Variants in RHBDD1 observed in about 807,000 individuals in gnomAD.
RHBDD1 encodes rhomboid-related protein 4.
Under a neutral mutation model 36.3 loss-of-function variants are expected in RHBDD1, and 38 were observed. That is an observed-to-expected ratio of 1.05 (90% CI 0.81 to 1.37). The LOEUF (loss-of-function observed/expected upper bound fraction) is 1.37. Among genes scored for constraint, RHBDD1 ranks in the 40% most tolerant of loss-of-function variants. The pLI is 0.00. For missense variants in RHBDD1, 393 were observed against 377.6 expected (o/e 1.04, Z -0.34); for synonymous variants, 151 against 136.5 (o/e 1.11, Z -0.74).
chr2:226,832,935 CG>C (rs1382450809), upstream of RHBDD1, among the ~76,000 whole-genome samples: 6 of 151,974 alleles, frequency 3.9e-5, no homozygotes, highest in African/African-American at 1.5e-4. Flanking sequence ...TGCTTGAACC[CG>C]GGAGGCAGAG....
chr2:226,820,644 CAAAAAAAAAAAAAAAA>C, the RHBDD1 span, among the ~76,000 whole-genome samples: 1 of 63,516 alleles, frequency 1.6e-5, no homozygotes, highest in Non-Finnish European at 3.9e-5. Flanking sequence ...TCCATCTCCA[CAAAAAAAAAAAAAAAA>C]AAAAAAAAAG....
the RHBDD1 span, among the ~76,000 whole-genome samples, chr2:226,801,593 G>C: frequency 6.6e-6 from 1 of 152,128 alleles, no homozygotes; most frequent in Non-Finnish European, 1.5e-5. Context: ...TACACATGTT[G>C]AATTGAAAGC....
At chr2:226,801,187 A>C in the RHBDD1 span, among the ~76,000 whole-genome samples, 2 of 152,142 alleles carry the variant, frequency 1.3e-5, no homozygotes, top group African/African-American at 2.4e-5. Flanking sequence ...GGCGCTGGGC[A>C]TGCTCAGTGG....
At chr2:226,923,395 G>T (rs543406495) in intron 8 of RHBDD1, among the ~76,000 whole-genome samples, 59 of 152,140 alleles carry the variant, frequency 3.9e-4, no homozygotes, top group Admixed American at 1.2e-3. Context: ...AGAACTACTG[G>T]AACTCCATTG....
At chr2:226,843,996 A>G (rs561361610) in intron 3 of RHBDD1, among the ~76,000 whole-genome samples, 11 of 152,188 alleles carry the variant, frequency 7.2e-5, no homozygotes, top group South Asian at 2.1e-4. Flanking sequence ...TTCCTGGTTC[A>G]GTCTTGGGAG....
At chr2:226,914,482 C>A in intron 8 of RHBDD1, 131 bp downstream of exon 8, 1 of 1,022,166 alleles carries the variant, frequency 9.8e-7, no homozygotes, top group Non-Finnish European at 1.4e-6. Context: ...AAACTGTGTG[C>A]AGATTGTGAT....
At chr2:226,971,368 C>T (rs1049406471) in intron 8 of RHBDD1, among the ~76,000 whole-genome samples, 1 of 152,194 alleles carries the variant, frequency 6.6e-6, no homozygotes, top group Non-Finnish European at 1.5e-5. Flanking sequence ...GAACCCTTAG[C>T]GGGCTCATTT....
At chr2:226,825,013 C>T in the RHBDD1 span, among the ~76,000 whole-genome samples, 1 of 152,164 alleles carries the variant, frequency 6.6e-6, no homozygotes, top group Non-Finnish European at 1.5e-5. Flanking sequence ...AGACTGATTT[C>T]CCACATTTTG....
At chr2:226,948,745 C>T (rs1395513386) in intron 8 of RHBDD1, among the ~76,000 whole-genome samples, 1 of 152,016 alleles carries the variant, frequency 6.6e-6, no homozygotes, top group Non-Finnish European at 1.5e-5. Context: ...GACAAGGTTG[C>T]CCTCTCTCAC....
At chr2:226,808,241 T>C in the RHBDD1 span, 1 of 152,156 alleles carries the variant, frequency 6.6e-6, no homozygotes, top group African/African-American at 2.4e-5. Context: ...AAAAAGAATG[T>C]AGGATGACTC....
rs190142205 is a variant in RHBDD1 at position 226,866,000 on chromosome 2, T to A, written c.433+874T>A. ...GTTTTAGGAGCCATGATAATCACTC[T>A]GCATAACCTAACCAATTTAATTTAT... On this transcript the variant is annotated intron_variant, in intron 4 of 8. Coordinates refer to ENST00000392062, the MANE Select transcript of RHBDD1 (RefSeq NM_001167608.3). 2.1e-3 allele frequency among the ~76,000 whole-genome samples: 316 copies of A among 152,382 alleles called. 4 individuals are homozygous for A. The highest frequency in any genetic ancestry group is 7.3e-3 in the African/African-American group (303 of 41,596).
rs1298001381 is a variant in RHBDD1, at chr2:226,839,580, C to T, written c.-138C>T. ...TGAAACTCTGTGGTGGAATAGAAAT[C>T]CTCAGGGCATGAGCTATACCTAAAA... On this transcript the variant is annotated 5_prime_UTR_variant, in exon 3 of 9. Coordinates refer to ENST00000392062, the MANE Select transcript of RHBDD1 (RefSeq NM_001167608.3). 6.6e-6 allele frequency: 1 copy of T among 152,142 alleles called. No homozygotes were observed. Among genetic ancestry groups the T allele is most frequent in the Non-Finnish European group, 1.5e-5 (1 of 68,024 alleles). 9.4% of individuals were successfully genotyped at this position (152,142 alleles called of 1,614,324 possible). A position where few individuals can be genotyped will look rare whatever the true frequency, so the allele number is the denominator to read the frequency against.
At chr2:226,805,750 G>A in the RHBDD1 span, among the ~76,000 whole-genome samples, 1 of 152,168 alleles carries the variant, frequency 6.6e-6, no homozygotes, top group Non-Finnish European at 1.5e-5. Context: ...ATTTTTTAAT[G>A]TGAATTTCAG....
chr2:226,933,117 A>G (rs766132530), intron 8 of RHBDD1, among the ~76,000 whole-genome samples: 8 of 152,186 alleles, frequency 5.3e-5, no homozygotes, highest in South Asian at 2.1e-4. Flanking sequence ...CTCACTCACT[A>G]TCACGAGAAC....
chr2:226,978,664 T>C (rs569232638), intron 8 of RHBDD1, among the ~76,000 whole-genome samples: 1 of 152,220 alleles, frequency 6.6e-6, no homozygotes, highest in Admixed American at 6.5e-5. Flanking sequence ...CACAACGCAG[T>C]GAGAATGCAC....
At chr2:226,956,805 CAG>C in intron 8 of RHBDD1, among the ~76,000 whole-genome samples, 1 of 152,292 alleles carries the variant, frequency 6.6e-6, no homozygotes, top group East Asian at 1.9e-4. Flanking sequence ...GACACAGAGA[CAG>C]AGGGATCATG....
chr2:226,821,129 C>A, the RHBDD1 span, among the ~76,000 whole-genome samples: 4 of 152,158 alleles, frequency 2.6e-5, no homozygotes, highest in Non-Finnish European at 5.9e-5. Context: ...CTACTATGTT[C>A]CAGTCACAGA....
chr2:226,891,907 A>G (rs1174317569), intron 5 of RHBDD1, among the ~76,000 whole-genome samples: 1 of 152,224 alleles, frequency 6.6e-6, no homozygotes, highest in East Asian at 1.9e-4. Context: ...TGTATTAGAT[A>G]CAAAGGGTAT....
At chr2:226,974,388 C>T (rs990836841) in intron 8 of RHBDD1, among the ~76,000 whole-genome samples, 19 of 152,148 alleles carry the variant, frequency 1.2e-4, no homozygotes, top group Middle Eastern at 3.4e-3. Context: ...CAGGCGCCCA[C>T]CACTGGGCCT....
Sources: gnomAD v4.1 joint callset for allele counts (sites outside exome capture counted in the v4.1 genomes callset) on GRCh38, gnomAD v4.1.1 for gene constraint, MANE v1.5 for transcripts, NCBI Gene and HGNC (gene_info 2026-07-23, HGNC 2026-07-21) for gene names.